Variants in SEMA3D observed in about 807,000 individuals in gnomAD.
SEMA3D encodes the protein semaphorin 3D.
In SEMA3D, 84 loss-of-function variants were observed where a neutral mutation model predicts 100.1. The observed-to-expected ratio is 0.84, with a 90% CI of 0.70 to 1.01. The LOEUF (loss-of-function observed/expected upper bound fraction) is 1.01. Ranked by LOEUF, SEMA3D falls within the 50% of genes least tolerant of loss-of-function variation. The pLI, the probability that SEMA3D is intolerant of heterozygous loss-of-function variation, is 0.00. For missense variants in SEMA3D, 875 were observed against 934.1 expected (o/e 0.94, Z 0.82); for synonymous variants, 312 against 320.7 (o/e 0.97, Z 0.29).
chr7:85,133,359 T>C (rs550389099), intron 2 of SEMA3D, among the ~76,000 whole-genome samples: 179 of 152,082 alleles, frequency 1.2e-3, no homozygotes, highest in African/African-American at 4.1e-3. Flanking sequence ...GATTCCTGGG[T>C]TGAGCATACA....
intron 3 of SEMA3D, among the ~76,000 whole-genome samples, chr7:85,107,763 C>T (rs1030966515): frequency 1.1e-4 from 17 of 152,030 alleles, no homozygotes; most frequent in Admixed American, 4.6e-4. Context: ...GTTTAACCCC[C>T]CTCACACAAC....
intron 1 of SEMA3D, among the ~76,000 whole-genome samples, chr7:85,168,720 G>A (rs957939938): frequency 6.8e-6 from 1 of 146,986 alleles, no homozygotes; most frequent in African/African-American, 2.5e-5. Flanking sequence ...TGAACACTTA[G>A]CACTTATCTT....
chr7:85,135,003 A>AT (rs71082184), intron 2 of SEMA3D, among the ~76,000 whole-genome samples: 3,455 of 149,156 alleles, frequency 0.023, 116 homozygotes, highest in African/African-American at 0.078. Context: ...TTAGAACCAC[A>AT]TTTTTTTTTT....
At chr7:85,241,802 G>A in the SEMA3D span, among the ~76,000 whole-genome samples, 1 of 151,362 alleles carries the variant, frequency 6.6e-6, no homozygotes, top group Non-Finnish European at 1.5e-5. Flanking sequence ...AAATACCACT[G>A]TTTTCCAAAA....
chr7:85,153,853 G>A (rs1313522135), intron 1 of SEMA3D, 114 bp from the exon 2 acceptor site: 1 of 152,218 alleles, frequency 6.6e-6, no homozygotes, highest in Non-Finnish European at 1.5e-5. Context: ...AAATATCCCA[G>A]CTCAAGACAG....
intron 13 of SEMA3D, 138 bp from the exon 14 acceptor site, chr7:85,020,459 T>A: frequency 1.6e-6 from 1 of 634,816 alleles, no homozygotes; most frequent in African/African-American, 1.8e-5. Context: ...GAAACATGCA[T>A]GAACTGAAGC....
the SEMA3D span, among the ~76,000 whole-genome samples, chr7:85,235,095 A>G: frequency 6.6e-6 from 1 of 152,240 alleles, no homozygotes; most frequent in Non-Finnish European, 1.5e-5. Context: ...ACTGCTCAGT[A>G]GCACCTCTGG....
At position 85,171,078 on chromosome 7, in the gene SEMA3D, A is replaced by G. The variant is rs541277316; in HGVS notation, c.-173+15600T>C. Among the ~76,000 whole-genome samples, 3 of 152,176 alleles carry G rather than the reference A, an allele frequency of 2.0e-5. No homozygotes were observed. In the South Asian group the frequency reaches 6.2e-4, roughly 32 times the overall value. Reference sequence around the variant, plus strand: ...TCAAATAATTAATAGAATAATTGTAATTGTGACTCAAAAGTGAGCTTCCTT... The same window carrying G: ...TCAAATAATTAATAGAATAATTGTAGTTGTGACTCAAAAGTGAGCTTCCTT... On this transcript the variant is annotated intron_variant, in intron 1 of 18. Coordinates refer to ENST00000284136, the MANE Select transcript of SEMA3D (RefSeq NM_001384900.1).
chr7:85,066,229 G>A (rs750213092), intron 7 of SEMA3D, among the ~76,000 whole-genome samples: 14 of 151,922 alleles, frequency 9.2e-5, no homozygotes, highest in Non-Finnish European at 1.8e-4. Flanking sequence ...AAAGAGAGAA[G>A]GGGAATGTCA....
chr7:85,180,174 G>A (rs1791361434), intron 1 of SEMA3D, among the ~76,000 whole-genome samples: 1 of 152,196 alleles, frequency 6.6e-6, no homozygotes, highest in South Asian at 2.1e-4. Flanking sequence ...CTCATGTGAG[G>A]TGACTAGGTC....
chr7:85,198,750 T>C, the SEMA3D span, among the ~76,000 whole-genome samples: 1 of 150,526 alleles, frequency 6.6e-6, no homozygotes. Flanking sequence ...GTTTTTAAAG[T>C]TTTTTATTAA....
intron 1 of SEMA3D, among the ~76,000 whole-genome samples, chr7:85,180,441 A>C (rs1317111928): frequency 6.6e-6 from 1 of 152,216 alleles, no homozygotes; most frequent in Non-Finnish European, 1.5e-5. Flanking sequence ...TAGCAGTGTG[A>C]AAATGACTAA....
chr7:85,138,655 A>AAT (rs57748241), intron 2 of SEMA3D, among the ~76,000 whole-genome samples: 83,469 of 144,048 alleles, frequency 0.58, 25,575 homozygotes, highest in African/African-American at 0.79. Flanking sequence ...TATTTAATTT[A>AAT]ATATATATAT....
the SEMA3D span, among the ~76,000 whole-genome samples, chr7:85,222,902 A>G: frequency 1.3e-5 from 2 of 152,158 alleles, no homozygotes; most frequent in Non-Finnish European, 2.9e-5. Flanking sequence ...CAAACCATGC[A>G]TCGGACAAAG....
chr7:85,179,228 G>T (rs919004245), intron 1 of SEMA3D, among the ~76,000 whole-genome samples: 2 of 152,154 alleles, frequency 1.3e-5, no homozygotes, highest in African/African-American at 4.8e-5. Context: ...GGAGCTGTGA[G>T]AAGAGGGCCA....
intron 11 of SEMA3D, among the ~76,000 whole-genome samples, chr7:85,039,356 C>T (rs759331459): frequency 6.6e-6 from 1 of 152,112 alleles, no homozygotes; most frequent in African/African-American, 2.4e-5. Flanking sequence ...CTTTCAAGTT[C>T]AAGTGATTCT....
intron 12 of SEMA3D, among the ~76,000 whole-genome samples, chr7:85,023,480 A>G (rs1029914711): frequency 2.0e-5 from 3 of 151,892 alleles, no homozygotes; most frequent in Non-Finnish European, 4.4e-5. Flanking sequence ...ATCACATTTG[A>G]ATTCTCAATG....
At chr7:85,121,407 C>T (rs558403176) in intron 3 of SEMA3D, among the ~76,000 whole-genome samples, 57 of 152,224 alleles carry the variant, frequency 3.7e-4, no homozygotes, top group Admixed American at 1.2e-3. Context: ...AAAATCCCCT[C>T]TAACTAGGAA....
At chr7:85,151,018 A>C (rs1790364651) in intron 2 of SEMA3D, among the ~76,000 whole-genome samples, 1 of 152,020 alleles carries the variant, frequency 6.6e-6, no homozygotes, top group African/African-American at 2.4e-5. Context: ...TAAAAGCTTA[A>C]TATCACCTGA....
Sources: gnomAD v4.1 joint callset for allele counts (sites outside exome capture counted in the v4.1 genomes callset) on GRCh38, gnomAD v4.1.1 for gene constraint, MANE v1.5 for transcripts, NCBI Gene and HGNC (gene_info 2026-07-23, HGNC 2026-07-21) for gene names.